LSAMP: variants seen among roughly 807,000 people sequenced by gnomAD.
LSAMP encodes limbic system associated membrane protein, also known as limbic system-associated membrane protein.
In LSAMP, 7 loss-of-function variants were observed where a neutral mutation model predicts 38.6. That is an observed-to-expected ratio of 0.18 (90% CI 0.10 to 0.34). The LOEUF (loss-of-function observed/expected upper bound fraction) is 0.34. Ranked by LOEUF, LSAMP falls within the 10% of genes least tolerant of loss-of-function variation. The pLI is 1.00. For missense variants in LSAMP, 313 were observed against 420.0 expected (o/e 0.75, Z 2.23); for synonymous variants, 154 against 166.8 (o/e 0.92, Z 0.59).
At chr3:115,986,856 T>C (rs1195096857) in intron 3 of LSAMP, among the ~76,000 whole-genome samples, 1 of 152,190 alleles carries the variant, frequency 6.6e-6, no homozygotes, top group African/African-American at 2.4e-5. Flanking sequence ...TATACCTTTT[T>C]CCCAGGGAGC....
At chr3:115,933,418 A>C (rs1937613198) in intron 3 of LSAMP, among the ~76,000 whole-genome samples, 1 of 152,210 alleles carries the variant, frequency 6.6e-6, no homozygotes, top group Non-Finnish European at 1.5e-5. Context: ...GTGAATGACT[A>C]AATTTAGGGA....
At chr3:115,845,660 T>C (rs1935136011) in intron 4 of LSAMP, among the ~76,000 whole-genome samples, 1 of 152,196 alleles carries the variant, frequency 6.6e-6, no homozygotes, top group African/African-American at 2.4e-5. Context: ...AGGGTTGCCA[T>C]GCATGACTGG....
At chr3:116,147,214 C>G (rs1313131732) in intron 1 of LSAMP, among the ~76,000 whole-genome samples, 2 of 151,904 alleles carry the variant, frequency 1.3e-5, no homozygotes, top group Non-Finnish European at 2.9e-5. Context: ...CTTAAAATTT[C>G]AAGTCTCCTA....
chr3:116,407,742 G>A (rs1464724245), intron 1 of LSAMP, among the ~76,000 whole-genome samples: 3 of 151,986 alleles, frequency 2.0e-5, no homozygotes, highest in Admixed American at 2.0e-4. Flanking sequence ...TTTGCAAGCT[G>A]AGCATGACAG....
At chr3:116,211,405 G>C (rs1406124539) in intron 1 of LSAMP, among the ~76,000 whole-genome samples, 1 of 152,094 alleles carries the variant, frequency 6.6e-6, no homozygotes, top group African/African-American at 2.4e-5. Flanking sequence ...GCACAATTTA[G>C]CCATTCAAAA....
intron 3 of LSAMP, among the ~76,000 whole-genome samples, chr3:115,897,645 A>C (rs1936762382): frequency 6.6e-6 from 1 of 152,202 alleles, no homozygotes; most frequent in Non-Finnish European, 1.5e-5. Flanking sequence ...TCCCATACAA[A>C]TATCTTGGTC....
chr3:115,894,760 A>T (rs7641725), intron 3 of LSAMP, among the ~76,000 whole-genome samples: 2,068 of 152,234 alleles, frequency 0.014, 51 homozygotes, highest in African/African-American at 0.047. Flanking sequence ...TCTTGTGCTT[A>T]AAAGCAGAAC....
At chr3:116,078,307 CTTTATTTTAT>C (rs973330266) in intron 2 of LSAMP, among the ~76,000 whole-genome samples, 2 of 140,470 alleles carry the variant, frequency 1.4e-5, no homozygotes, top group Non-Finnish European at 1.5e-5. Context: ...ATTTATTTTA[CTTTATTTTAT>C]TTTATTTTAT....
intron 1 of LSAMP, among the ~76,000 whole-genome samples, chr3:116,263,718 T>G (rs996441938): frequency 1.3e-5 from 2 of 152,186 alleles, no homozygotes; most frequent in Admixed American, 1.3e-4. Context: ...TAAATGACCT[T>G]GCATTTGTAA....
Position 115,872,792 on chromosome 3 carries a change from A to G in LSAMP, c.515-20175T>C, listed in dbSNP as rs941783230. On this transcript the variant is annotated intron_variant, in intron 3 of 6. Coordinates refer to ENST00000490035, the MANE Select transcript of LSAMP (RefSeq NM_002338.5). ...TAGCTGAGGCTCATAGCTGTTAAGT[A>G]TCTGGTCTAAGATCACACAGGTAGT... Among the ~76,000 whole-genome samples the G allele has an allele frequency of 5.9e-5, 9 of 152,164 alleles. 1 individual carries two copies. The highest frequency in any genetic ancestry group is 2.2e-4 in the African/African-American group (9 of 41,454).
chr3:116,329,397 C>T (rs2047819371), intron 1 of LSAMP, among the ~76,000 whole-genome samples: 4 of 152,078 alleles, frequency 2.6e-5, no homozygotes, highest in Admixed American at 2.6e-4. Flanking sequence ...TTGTTCGTTT[C>T]CGACTTGATA....
intron 1 of LSAMP, among the ~76,000 whole-genome samples, chr3:116,366,035 A>AAAAAAAAAAAAAAAAAAAAG: frequency 6.9e-6 from 1 of 144,718 alleles, no homozygotes; most frequent in Non-Finnish European, 1.5e-5. Context: ...AAAAAAAAAA[A>AAAAAAAAAAAAAAAAAAAAG]AAAAGAACTT....
At chr3:116,173,735 T>A (rs1710263834) in intron 1 of LSAMP, among the ~76,000 whole-genome samples, 1 of 151,938 alleles carries the variant, frequency 6.6e-6, no homozygotes, top group Admixed American at 6.6e-5. Flanking sequence ...TATTTAACAT[T>A]TTATGTCCTG....
chr3:116,064,497 C>T (rs977995552), intron 2 of LSAMP, among the ~76,000 whole-genome samples: 3 of 131,536 alleles, frequency 2.3e-5, no homozygotes, highest in Admixed American at 1.6e-4. Flanking sequence ...AGCGAGACTC[C>T]GTCTCAAAAA....
At chr3:116,141,599 C>G (rs1290168083) in intron 1 of LSAMP, among the ~76,000 whole-genome samples, 1 of 151,806 alleles carries the variant, frequency 6.6e-6, no homozygotes, top group Non-Finnish European at 1.5e-5. Context: ...TTTTGAATGA[C>G]TATAGCAATG....
chr3:116,331,610 A>C (rs918253014), intron 1 of LSAMP, among the ~76,000 whole-genome samples: 1 of 152,164 alleles, frequency 6.6e-6, no homozygotes, highest in African/African-American at 2.4e-5. Flanking sequence ...TGTCCAAATA[A>C]ATGAAATCTA....
At position 116,164,589 on chromosome 3, in the gene LSAMP, AT is replaced by A. The variant is rs1323675675; in HGVS notation, c.156-78034del. ...CTAATCCAAATATATATATATATAT[AT>A]ATATAATCCAAATATATATATATAT... On this transcript the variant is annotated intron_variant, in intron 1 of 6. Coordinates refer to ENST00000490035, the MANE Select transcript of LSAMP (RefSeq NM_002338.5). Among the ~76,000 whole-genome samples the A allele has an allele frequency of 7.9e-5, 8 of 101,680 alleles. No individual in the cohort carries two copies. In the East Asian group the frequency reaches 9.7e-4, roughly 12 times the overall value. 66.7% of individuals were successfully genotyped at this position (101,680 alleles called of 152,430 possible). A position where few individuals can be genotyped will look rare whatever the true frequency, so the allele number is the denominator to read the frequency against.
At chr3:116,100,770 C>T (rs1011225086) in intron 1 of LSAMP, among the ~76,000 whole-genome samples, 1 of 152,180 alleles carries the variant, frequency 6.6e-6, no homozygotes, top group Admixed American at 6.5e-5. Flanking sequence ...GTTCACTTAA[C>T]CTAGCTTTCC....
At chr3:116,229,149 T>C (rs779237114) in intron 1 of LSAMP, among the ~76,000 whole-genome samples, 2 of 152,232 alleles carry the variant, frequency 1.3e-5, no homozygotes, top group South Asian at 2.1e-4. Context: ...AGTGTTTCTT[T>C]TGGGAGAAGT....
Sources: gnomAD v4.1 joint callset for allele counts (sites outside exome capture counted in the v4.1 genomes callset) on GRCh38, gnomAD v4.1.1 for gene constraint, MANE v1.5 for transcripts, NCBI Gene and HGNC (gene_info 2026-07-23, HGNC 2026-07-21) for gene names.